ABLIM3: variants seen among roughly 807,000 people sequenced by gnomAD.
ABLIM3 encodes actin binding LIM protein family member 3.
A neutral mutation model predicts 109.5 loss-of-function variants in ABLIM3; 61 were observed. That is an observed-to-expected ratio of 0.56 (90% CI 0.45 to 0.69). The LOEUF (loss-of-function observed/expected upper bound fraction) is 0.69. Ranked by LOEUF, ABLIM3 falls within the 30% of genes least tolerant of loss-of-function variation. The probability of loss-of-function intolerance (pLI) is 0.00; values close to 1 mark genes in which losing one functional copy is unlikely to be tolerated. For missense variants in ABLIM3, 796 were observed against 889.5 expected (o/e 0.89, Z 1.34); for synonymous variants, 300 against 324.8 (o/e 0.92, Z 0.82).
rs1753914898 is a variant in ABLIM3 at position 149,251,439 on chromosome 5, G to A, written c.1849+20G>A. 2 of 1,612,492 alleles carry A rather than the reference G, an allele frequency of 1.2e-6. No individual in the cohort carries two copies. The highest frequency in any genetic ancestry group is 1.1e-5 in the South Asian group (1 of 90,568). On this transcript the variant is annotated intron_variant, in intron 21 of 23. Transcript: ENST00000309868. Reference sequence around the variant, plus strand: ...TGCGAGGTGAGTGCAGGCCTGCAGGGGGTCTGCAGGGAGAGTGCCTCCAGA... The same window carrying A: ...TGCGAGGTGAGTGCAGGCCTGCAGGAGGTCTGCAGGGAGAGTGCCTCCAGA...
At chr5:149,206,084 C>G (rs938487256) in intron 5 of ABLIM3, among the ~76,000 whole-genome samples, 1 of 152,214 alleles carries the variant, frequency 6.6e-6, no homozygotes, top group African/African-American at 2.4e-5. Flanking sequence ...TTTCCTCCGC[C>G]AAAGTGGGTC....
At chr5:149,190,505 C>T (rs749915696) in intron 3 of ABLIM3, among the ~76,000 whole-genome samples, 6 of 152,022 alleles carry the variant, frequency 3.9e-5, no homozygotes, top group Non-Finnish European at 5.9e-5. Context: ...CATAGCGAAG[C>T]CTCTTCTCTA....
chr5:149,233,273 C>CATTG lies in ABLIM3; in HGVS notation c.862_865dup (p.Gly289AspfsTer11). On this transcript the variant is annotated frameshift_variant, in exon 10 of 24. Transcript: ENST00000309868. LOFTEE classifies it high-confidence loss of function. ...CCTCCATCTCACCCCCTGGATCCAG[C>CATTG]ATTGGGTCACCCAACCGAGTCATCT... 1 of 1,614,222 alleles carries CATTG rather than the reference C, an allele frequency of 6.2e-7. No individual in the cohort carries two copies. The highest frequency in any genetic ancestry group is 8.5e-7 in the Non-Finnish European group (1 of 1,180,026).
At chr5:149,249,958 T>C in intron 19 of ABLIM3, 114 bp downstream of exon 19, 1 of 1,294,112 alleles carries the variant, frequency 7.7e-7, no homozygotes, top group Middle Eastern at 1.8e-4. Flanking sequence ...CCCAGCCCAC[T>C]CCTGATCTCA....
intron 2 of ABLIM3, among the ~76,000 whole-genome samples, chr5:149,164,710 G>A (rs1754674145): frequency 6.6e-6 from 1 of 152,134 alleles, no homozygotes; most frequent in Non-Finnish European, 1.5e-5. Context: ...GATTTTTAAA[G>A]AAAGCTCATA....
Position 149,245,901 on chromosome 5 carries a change from G to A in ABLIM3, c.1487-581G>A, listed in dbSNP as rs566459802. 2.0e-4 allele frequency among the ~76,000 whole-genome samples: 30 copies of A among 152,264 alleles called. 1 individual carries two copies. The highest frequency in any genetic ancestry group is 6.0e-4 in the African/African-American group (25 of 41,556). On this transcript the variant is annotated intron_variant, in intron 16 of 23. Transcript: ENST00000309868. ...TTTGGTGCTGGGCACAGTGGCTCAC[G>A]CCCGTAATCCCAGCACTTTGGGAGG... is the stretch of plus-strand genomic sequence containing the variant.
Position 149,198,195 on chromosome 5 carries a change from T to A in ABLIM3, c.152-24T>A, listed in dbSNP as rs1410008809. On this transcript the variant is annotated intron_variant, in intron 3 of 23. Transcript: ENST00000309868. This position sits in a 1 kb window ranked among gnomAD's most constrained non-coding sequence, Gnocchi z 4.2. ...GACCCTCCCTGGACTCAACCTGCCC[T>A]TGTTTTCCTCCTTGTTCCCCAAGTA... 1 of 1,598,894 alleles carries A rather than the reference T, an allele frequency of 6.3e-7. No individual in the cohort carries two copies. The highest frequency in any genetic ancestry group is 2.2e-5 in the East Asian group (1 of 44,750).
intron 10 of ABLIM3, among the ~76,000 whole-genome samples, chr5:149,236,153 TTCA>T (rs1472111609): frequency 6.6e-6 from 1 of 152,152 alleles, no homozygotes; most frequent in Non-Finnish European, 1.5e-5. Context: ...CCAGGCAGTG[TTCA>T]GGACATAGAT....
At position 149,142,257 on chromosome 5, in the gene ABLIM3, C is replaced by A. The variant is rs1752535120; in HGVS notation, c.13+149C>A. On this transcript the variant is annotated intron_variant, in intron 2 of 23. Transcript: ENST00000309868. ...GCTCTTTTTTGGTGCTTTCCGTGCT[C>A]CTTGGCAGAGGGATAGCTTCATGAC... The A allele has an allele frequency of 2.6e-6, 3 of 1,143,582 alleles. No individual in the cohort carries two copies. The Admixed American group carries it at 5.7e-5, about 22-fold the overall frequency. 70.8% of individuals were successfully genotyped at this position (1,143,582 alleles called of 1,614,324 possible).
At chr5:149,213,170 AG>A (rs1286469863) in intron 7 of ABLIM3, among the ~76,000 whole-genome samples, 11 of 152,202 alleles carry the variant, frequency 7.2e-5, no homozygotes, top group African/African-American at 2.4e-4. Context: ...AACAAAGCTC[AG>A]GCCTGGAGGA....
chr5:149,201,943 C>T (rs1047716832), intron 5 of ABLIM3, among the ~76,000 whole-genome samples: 2 of 152,244 alleles, frequency 1.3e-5, no homozygotes, highest in Non-Finnish European at 2.9e-5. Context: ...ATGGAATTTC[C>T]TATCTTCCTC....
At chr5:149,228,410 G>T (rs1561611016) in intron 8 of ABLIM3, among the ~76,000 whole-genome samples, 2 of 151,422 alleles carry the variant, frequency 1.3e-5, no homozygotes, top group African/African-American at 4.8e-5. Flanking sequence ...GTATCTTTTT[G>T]AAAAAAAATA....
chr5:149,252,980 T>C, intron 23 of ABLIM3, 143 bp downstream of exon 23: 1 of 622,574 alleles, frequency 1.6e-6, no homozygotes, highest in East Asian at 3.1e-5. Flanking sequence ...CTTGAACCAA[T>C]TTCCTCAGCC....
intron 7 of ABLIM3, among the ~76,000 whole-genome samples, chr5:149,211,171 A>AT (rs565539955): frequency 0.045 from 6,656 of 149,520 alleles, 186 homozygotes; most frequent in African/African-American, 0.07. Flanking sequence ...TATTTATTTA[A>AT]TTATTTATTT....
intron 2 of ABLIM3, among the ~76,000 whole-genome samples, chr5:149,166,413 A>G (rs1048739145): frequency 5.9e-5 from 9 of 152,188 alleles, no homozygotes; most frequent in African/African-American, 2.2e-4. Context: ...CTAGAGAAGC[A>G]GTTATTTCAT....
intron 2 of ABLIM3, among the ~76,000 whole-genome samples, chr5:149,144,022 G>A (rs1307762161): frequency 6.6e-6 from 1 of 152,096 alleles, no homozygotes; most frequent in Non-Finnish European, 1.5e-5. Flanking sequence ...TGTCCTATTA[G>A]TAACACTGAG....
chr5:149,209,921 C>T (rs984388499), intron 6 of ABLIM3, among the ~76,000 whole-genome samples: 1 of 152,214 alleles, frequency 6.6e-6, no homozygotes, highest in Non-Finnish European at 1.5e-5. Context: ...AAGTGATGTG[C>T]CTCTCCTTTA....
At chr5:149,246,178 A>G (rs1160254803) in intron 16 of ABLIM3, among the ~76,000 whole-genome samples, 2 of 152,124 alleles carry the variant, frequency 1.3e-5, no homozygotes, top group Admixed American at 1.3e-4. Flanking sequence ...TAAAAATTTA[A>G]TAAAAGGATG....
chr5:149,173,234 A>G (rs1477761802), intron 2 of ABLIM3, among the ~76,000 whole-genome samples: 2 of 152,202 alleles, frequency 1.3e-5, no homozygotes, highest in Admixed American at 1.3e-4. Flanking sequence ...TAGTGAGCAG[A>G]TGACTGCGGA....
Sources: gnomAD v4.1 joint callset for allele counts (sites outside exome capture counted in the v4.1 genomes callset) on GRCh38, gnomAD v4.1.1 for gene constraint, Gnocchi (gnomAD v3.1) non-coding constraint, MANE v1.5 for transcripts, NCBI Gene and HGNC (gene_info 2026-07-23, HGNC 2026-07-21) for gene names.